The following KCTD16 variants were observed in gnomAD, a reference collection of about 807,000 sequenced individuals.
KCTD16 encodes the protein potassium channel tetramerization domain containing 16.
A neutral mutation model predicts 33.2 loss-of-function variants in KCTD16; 13 were observed. The ratio of observed to expected loss-of-function variants is 0.39; its 90% CI spans 0.25 to 0.62. KCTD16 has a LOEUF of 0.62. Ranked by LOEUF, KCTD16 falls within the 20% of genes least tolerant of loss-of-function variation. The pLI is 0.50. For synonymous variants in KCTD16, 197 were observed against 195.3 expected (o/e 1.01, Z -0.07); for missense variants, 441 against 525.1 (o/e 0.84, Z 1.57).
chr5:144,398,884 G>T (rs1363476227), intron 3 of KCTD16, among the ~76,000 whole-genome samples: 1 of 151,920 alleles, frequency 6.6e-6, no homozygotes, highest in Non-Finnish European at 1.5e-5. Context: ...TTAAATTTTG[G>T]TACTTCCTTG....
intron 3 of KCTD16, among the ~76,000 whole-genome samples, chr5:144,315,944 T>G (rs1751899236): frequency 6.6e-6 from 1 of 152,112 alleles, no homozygotes; most frequent in Non-Finnish European, 1.5e-5. Context: ...TAATATAAAT[T>G]TCAATTGCTG....
rs1197998405 is a variant in KCTD16, at chr5:144,478,599, G to A, written c.*4485G>A. ...GAGTCTGATTCAGAAACTTGAAGCA[G>A]GGCAAAGAAATTTGTATTTTGAGCT... On this transcript the variant is annotated 3_prime_UTR_variant, in exon 4 of 4. Transcript: ENST00000512467. 1 of 151,972 alleles carries A rather than the reference G, an allele frequency of 6.6e-6. No individual in the cohort carries two copies. Among genetic ancestry groups the A allele is most frequent in the Admixed American group, 6.6e-5 (1 of 15,228 alleles). 9.4% of individuals were successfully genotyped at this position (151,972 alleles called of 1,614,324 possible). A position where few individuals can be genotyped will look rare whatever the true frequency, so the allele number is the denominator to read the frequency against.
At chr5:144,295,765 T>C (rs1017110251) in intron 3 of KCTD16, among the ~76,000 whole-genome samples, 1 of 152,162 alleles carries the variant, frequency 6.6e-6, no homozygotes, top group Non-Finnish European at 1.5e-5. Context: ...GTTACATGAG[T>C]TCTCAAAAGT....
At chr5:144,322,368 A>T (rs568001671) in intron 3 of KCTD16, among the ~76,000 whole-genome samples, 7 of 152,176 alleles carry the variant, frequency 4.6e-5, no homozygotes, top group African/African-American at 1.7e-4. Flanking sequence ...GACATGTGAT[A>T]TAAGTTGATC....
intron 3 of KCTD16, among the ~76,000 whole-genome samples, chr5:144,418,014 G>A (rs891960291): frequency 4.6e-5 from 7 of 152,044 alleles, no homozygotes; most frequent in African/African-American, 7.2e-5. Flanking sequence ...TGGTGGGCTC[G>A]TAGTCTTGCT....
chr5:144,192,296 T>C (rs1273669758), intron 2 of KCTD16, among the ~76,000 whole-genome samples: 1 of 152,208 alleles, frequency 6.6e-6, no homozygotes, highest in Non-Finnish European at 1.5e-5. Context: ...GCTTTGATGA[T>C]CTTGACATGA....
At chr5:144,447,994 G>A (rs1294958772) in intron 3 of KCTD16, among the ~76,000 whole-genome samples, 2 of 151,870 alleles carry the variant, frequency 1.3e-5, no homozygotes, top group African/African-American at 4.8e-5. Flanking sequence ...AGTGTTTAAG[G>A]ACCACTAACT....
chr5:144,295,001 T>C (rs1307191859), intron 3 of KCTD16, among the ~76,000 whole-genome samples: 1 of 152,226 alleles, frequency 6.6e-6, no homozygotes, highest in African/African-American at 2.4e-5. Flanking sequence ...CCACCAATTG[T>C]TGAGCATTTT....
intron 3 of KCTD16, among the ~76,000 whole-genome samples, chr5:144,281,652 A>T (rs1201220126): frequency 6.6e-6 from 1 of 152,176 alleles, no homozygotes; most frequent in Non-Finnish European, 1.5e-5. Context: ...TTGAAAAAAA[A>T]TTCATTTTGC....
intron 3 of KCTD16, among the ~76,000 whole-genome samples, chr5:144,286,836 A>G (rs969242134): frequency 1.3e-5 from 2 of 152,202 alleles, no homozygotes; most frequent in Non-Finnish European, 2.9e-5. Context: ...TCTATCTTCT[A>G]TGATAATTGT....
intron 3 of KCTD16, among the ~76,000 whole-genome samples, chr5:144,379,943 A>AT (rs1458579605): frequency 6.6e-6 from 1 of 152,046 alleles, no homozygotes; most frequent in Admixed American, 6.6e-5. Context: ...TATATTTTTA[A>AT]TTTTTTTCAT....
At chr5:144,383,895 A>G (rs1397699208) in intron 3 of KCTD16, among the ~76,000 whole-genome samples, 1 of 152,234 alleles carries the variant, frequency 6.6e-6, no homozygotes, top group Non-Finnish European at 1.5e-5. Context: ...TTAAAAACCA[A>G]TATTATAAAA....
At chr5:144,445,746 T>C (rs1753804919) in intron 3 of KCTD16, among the ~76,000 whole-genome samples, 1 of 151,846 alleles carries the variant, frequency 6.6e-6, no homozygotes, top group Non-Finnish European at 1.5e-5. Flanking sequence ...CTTTTTTTTT[T>C]GTTTCATTAT....
chr5:144,440,670 GAA>G (rs113323992), intron 3 of KCTD16, among the ~76,000 whole-genome samples: 3 of 143,194 alleles, frequency 2.1e-5, no homozygotes, highest in African/African-American at 5.0e-5. Flanking sequence ...TATCTCTACT[GAA>G]AAAAAAAAAA....
chr5:144,297,348 T>C (rs1281273029), intron 3 of KCTD16, among the ~76,000 whole-genome samples: 1 of 152,152 alleles, frequency 6.6e-6, no homozygotes, highest in Non-Finnish European at 1.5e-5. Context: ...CAATGAAAGA[T>C]TTATTGACTC....
chr5:144,329,939 T>C (rs996259827), intron 3 of KCTD16, among the ~76,000 whole-genome samples: 3 of 152,182 alleles, frequency 2.0e-5, no homozygotes, highest in African/African-American at 7.2e-5. Flanking sequence ...ATGTCTCATT[T>C]GTGTTGCATT....
At chr5:144,226,707 G>T (rs1008300473) in intron 3 of KCTD16, among the ~76,000 whole-genome samples, 2 of 151,912 alleles carry the variant, frequency 1.3e-5, no homozygotes, top group African/African-American at 4.8e-5. Flanking sequence ...CAAGTAGCTG[G>T]GATTACAGGC....
intron 3 of KCTD16, among the ~76,000 whole-genome samples, chr5:144,390,636 T>C (rs1304568834): frequency 1.3e-5 from 2 of 152,092 alleles, no homozygotes; most frequent in Non-Finnish European, 2.9e-5. Flanking sequence ...CTTCAACCTG[T>C]CATCTACATT....
intron 2 of KCTD16, among the ~76,000 whole-genome samples, chr5:144,180,057 A>G (rs141981869): frequency 9.8e-5 from 15 of 152,314 alleles, no homozygotes; most frequent in African/African-American, 2.6e-4. Context: ...CTGTGCTTCC[A>G]TACAAGCCAG....
Sources: gnomAD v4.1 joint callset for allele counts (sites outside exome capture counted in the v4.1 genomes callset) on GRCh38, gnomAD v4.1.1 for gene constraint, MANE v1.5 for transcripts, NCBI Gene and HGNC (gene_info 2026-07-23, HGNC 2026-07-21) for gene names.